The following PRORP variants were observed in gnomAD, a reference collection of about 807,000 sequenced individuals.
The protein encoded by PRORP is protein only RNase P catalytic subunit.
Under a neutral mutation model 59.4 loss-of-function variants are expected in PRORP, and 51 were observed. That is an observed-to-expected ratio of 0.86 (90% confidence interval 0.69 to 1.08). The LOEUF is 1.08. PRORP is among the 50% of genes least tolerant of loss of function. The probability of loss-of-function intolerance (pLI) is 0.00; values close to 1 mark genes in which losing one functional copy is unlikely to be tolerated. For synonymous variants in PRORP, 231 were observed against 245.6 expected (o/e 0.94, Z 0.55); for missense variants, 646 against 690.3 (o/e 0.94, Z 0.72).
chr14:35,196,285 G>A (rs1410552710), intron 5 of PRORP, among the ~76,000 whole-genome samples: 1 of 152,078 alleles, frequency 6.6e-6, no homozygotes, highest in African/African-American at 2.4e-5. Flanking sequence ...GACCGGCCTG[G>A]GCAACATAGT....
intron 4 of PRORP, among the ~76,000 whole-genome samples, chr14:35,170,357 A>T (rs930276290): frequency 2.0e-5 from 3 of 151,970 alleles, no homozygotes; most frequent in Admixed American, 2.0e-4. Flanking sequence ...CATATAATTC[A>T]TCTATTGGCT....
chr14:35,132,711 C>T (rs1011505737), intron 4 of PRORP, among the ~76,000 whole-genome samples: 1 of 149,642 alleles, frequency 6.7e-6, no homozygotes, highest in Non-Finnish European at 1.5e-5. Flanking sequence ...CATTTGAACC[C>T]GTGAAGCGGA....
chr14:35,191,055 AG>A (rs1224202427), intron 5 of PRORP, among the ~76,000 whole-genome samples: 1 of 152,174 alleles, frequency 6.6e-6, no homozygotes, highest in Admixed American at 6.6e-5. Context: ...TTCTGAACAA[AG>A]CCAGGCATGG....
Position 35,273,480 on chromosome 14 carries a change from T to G in PRORP, c.1666T>G (p.Trp556Gly). The G allele has an allele frequency of 6.2e-7, 1 of 1,613,640 alleles. No homozygotes were observed. The highest frequency in any genetic ancestry group is 1.1e-5 in the South Asian group (1 of 90,934). ...DTVVQTTGDSWHIPYDEDLVE... is the reference protein window; with the variant it reads ...DTVVQTTGDSGHIPYDEDLVE... ...AGTGGTGCAAACAACTGGAGACTCG[T>G]GGCACATACCATATGATGAAGACTT... Residue 556 changes from tryptophan (W) to glycine (G), a missense_variant, in exon 8 of 8, where the codon TGG (tryptophan) becomes GGG (glycine). By Grantham distance (184) the Trp-to-Gly change is radical (BLOSUM62 -2). Coordinates refer to ENST00000534898, the MANE Select transcript of PRORP (RefSeq NM_014672.4).
At position 35,211,740 on chromosome 14, in the gene PRORP, G is replaced by C. The variant is rs892712056; in HGVS notation, c.1275+30963G>C. Among the ~76,000 whole-genome samples, 36 of 152,180 alleles carry C rather than the reference G, an allele frequency of 2.4e-4. No individual in the cohort carries two copies. The East Asian group carries it at 6.8e-3, about 29-fold the overall frequency. On this transcript the variant is annotated intron_variant, in intron 5 of 7. Coordinates refer to ENST00000534898, the MANE Select transcript of PRORP (RefSeq NM_014672.4). ...AGGGCATCCTAATATTTTTTTCTTG[G>C]AGGATCTTGGCCTCAGTGTTGATGG...
At position 35,273,547 on chromosome 14, in the gene PRORP, G is replaced by T; in HGVS notation, c.1733G>T (p.Cys578Phe). Residue 578 changes from cysteine (C) to phenylalanine (F), a missense_variant, in exon 8 of 8, where the codon TGC becomes TTC. Physicochemically the swap from Cys to Phe is radical, Grantham distance 205. Coordinates refer to ENST00000534898, the MANE Select transcript of PRORP (RefSeq NM_014672.4). The stretch of plus-strand genomic sequence containing the variant: ...TGTGAAGTACCAACCAAATGGCTTT[G>T]CCTCCACCAAAAGACATAGAGATTC... ...CSCEVPTKWL[C>F]LHQKT The T allele has an allele frequency of 6.2e-7, 1 of 1,613,270 alleles. No homozygotes were observed. The highest frequency in any genetic ancestry group is 8.5e-7 in the Non-Finnish European group (1 of 1,179,612).
rs2046992867 is a variant in PRORP, at chr14:35,123,391, A to G, written c.146A>G (p.Lys49Arg). 1.2e-6 allele frequency: 2 copies of G among 1,614,154 alleles called. No homozygotes were observed. Among genetic ancestry groups the G allele is most frequent in the African/African-American group, 2.7e-5 (2 of 75,048 alleles). ...IRNQQRLFSL[K>R]TMSPQNTKAT... ...AACCAGCAGAGGTTGTTTTCTCTTA[A>G]AACAATGTCTCCACAGAATACCAAA... Residue 49 changes from lysine (K) to arginine (R), a missense_variant, in exon 2 of 8, where the codon AAA becomes AGA. Lys to Arg is a conservative substitution (Grantham distance 26, BLOSUM62 2). Transcript: ENST00000534898.
At chr14:35,225,383 G>C (rs923370531) in intron 5 of PRORP, among the ~76,000 whole-genome samples, 2 of 151,476 alleles carry the variant, frequency 1.3e-5, no homozygotes, top group African/African-American at 4.9e-5. Flanking sequence ...TTTTGCTCTT[G>C]TCGCCCAGGC....
chr14:35,124,341 C>CA, intron 2 of PRORP, 110 bp downstream of exon 2: 13 of 631,234 alleles, frequency 2.1e-5, no homozygotes, highest in Non-Finnish European at 3.2e-5. Flanking sequence ...GTTCATAGCT[C>CA]ACTGTAACCT....
At chr14:35,244,591 T>C (rs963278262) in intron 5 of PRORP, among the ~76,000 whole-genome samples, 1 of 152,200 alleles carries the variant, frequency 6.6e-6, no homozygotes, top group African/African-American at 2.4e-5. Flanking sequence ...TGGTAGAATA[T>C]TGGCAATTTT....
At chr14:35,259,086 TCTC>T (rs1431832327) in intron 5 of PRORP, among the ~76,000 whole-genome samples, 1 of 152,224 alleles carries the variant, frequency 6.6e-6, no homozygotes, top group Non-Finnish European at 1.5e-5. Context: ...TTTGGCTATT[TCTC>T]CTCCTGGTTC....
chr14:35,158,202 A>G, intron 4 of PRORP: 1 of 269,112 alleles, frequency 3.7e-6, no homozygotes, highest in African/African-American at 2.2e-5. Context: ...TTGTGCCAGA[A>G]GGCTCTTAGT....
intron 5 of PRORP, among the ~76,000 whole-genome samples, chr14:35,182,270 A>G (rs1007579379): frequency 3.3e-5 from 5 of 152,302 alleles, no homozygotes; most frequent in African/African-American, 1.2e-4. Context: ...CATCTCAAAA[A>G]ATAAAAAGTA....
intron 5 of PRORP, chr14:35,263,024 G>T: frequency 1.9e-6 from 3 of 1,587,302 alleles, no homozygotes; most frequent in East Asian, 2.2e-5. Context: ...CTGTTCAGCC[G>T]GCTGATGAAT....
At chr14:35,196,605 A>G (rs1198379780) in intron 5 of PRORP, among the ~76,000 whole-genome samples, 2 of 152,214 alleles carry the variant, frequency 1.3e-5, no homozygotes, top group Non-Finnish European at 2.9e-5. Context: ...ACTTGAGGAA[A>G]CAAATTTGCA....
Position 35,123,818 on chromosome 14 carries a change from A to C in PRORP, c.573A>C (p.Thr191=). The C allele has an allele frequency of 6.2e-7, 1 of 1,614,218 alleles. No homozygotes were observed. Among genetic ancestry groups the C allele is most frequent in the Non-Finnish European group, 8.5e-7 (1 of 1,180,026 alleles). Reference sequence around the variant, plus strand: ...ATCTCTGTGTCTTTCATATGCAGACATCTGAAGTTATTGATGTCTTTGAAA... The same window carrying C: ...ATCTCTGTGTCTTTCATATGCAGACCTCTGAAGTTATTGATGTCTTTGAAA... ...YLYLCVFHMQ[T]SEVIDVFEIM... Residue 191 remains threonine, a synonymous_variant, in exon 2 of 8, where the codon ACA becomes ACC. Coordinates refer to ENST00000534898, the MANE Select transcript of PRORP (RefSeq NM_014672.4).
At chr14:35,253,345 G>GAA (rs2050660806) in intron 5 of PRORP, among the ~76,000 whole-genome samples, 2 of 85,808 alleles carry the variant, frequency 2.3e-5, no homozygotes, top group African/African-American at 7.0e-5. Flanking sequence ...AAAAAAAAAA[G>GAA]AGAGAGAGAG....
chr14:35,266,741 CT>C lies in PRORP; in HGVS notation c.1291del (p.Ser431LeufsTer3). Reference protein sequence around the residue: ...RESQLLLNVVSQLAKRNLRLL... With the variant: ...RESQLLLNVVXQLAKRNLRLL... ...GTGTTTTTTAGCTCTTGAATGTCGT[CT>C]CTCAACTAGCCAAACGGAATCTGCG... On this transcript the variant is annotated frameshift_variant, in exon 6 of 8. Coordinates refer to ENST00000534898, the MANE Select transcript of PRORP (RefSeq NM_014672.4). LOFTEE classifies it high-confidence loss of function. The C allele has an allele frequency of 6.2e-7, 1 of 1,613,968 alleles. No homozygotes were observed. The highest frequency in any genetic ancestry group is 8.5e-7 in the Non-Finnish European group (1 of 1,179,940).
intron 5 of PRORP, among the ~76,000 whole-genome samples, chr14:35,220,919 A>G (rs1366315143): frequency 6.6e-6 from 1 of 152,156 alleles, no homozygotes; most frequent in Admixed American, 6.5e-5. Flanking sequence ...AAGTATTTGG[A>G]TAATGTTTAG....
Sources: gnomAD v4.1 joint callset for allele counts (sites outside exome capture counted in the v4.1 genomes callset) on GRCh38, gnomAD v4.1.1 for gene constraint, MANE v1.5 for transcripts, NCBI Gene and HGNC (gene_info 2026-07-23, HGNC 2026-07-21) for gene names.